ARHGAP15: variants seen among roughly 807,000 people sequenced by gnomAD.
ARHGAP15 encodes the protein rho GTPase-activating protein 15.
Under a neutral mutation model 63.7 loss-of-function variants are expected in ARHGAP15, and 51 were observed. That is an observed-to-expected ratio of 0.80 (90% confidence interval 0.64 to 1.01). The LOEUF is 1.01. ARHGAP15 is among the 50% of genes least tolerant of loss of function. The pLI is 0.00. For synonymous variants in ARHGAP15, 191 were observed against 193.8 expected (o/e 0.99, Z 0.12); for missense variants, 560 against 564.6 (o/e 0.99, Z 0.08).
intron 8 of ARHGAP15, among the ~76,000 whole-genome samples, chr2:143,438,280 C>G (rs1689703859): frequency 6.6e-6 from 1 of 151,992 alleles, no homozygotes; most frequent in Non-Finnish European, 1.5e-5. Context: ...TACACATACA[C>G]ACGTATGTAT....
intron 6 of ARHGAP15, among the ~76,000 whole-genome samples, chr2:143,420,983 G>A (rs1473695740): frequency 6.6e-6 from 1 of 152,180 alleles, no homozygotes; most frequent in Non-Finnish European, 1.5e-5. Context: ...GCAACGTGGA[G>A]TGCACTCATT....
intron 6 of ARHGAP15, among the ~76,000 whole-genome samples, chr2:143,334,586 G>A (rs1465606472): frequency 6.6e-6 from 1 of 152,132 alleles, no homozygotes; most frequent in Non-Finnish European, 1.5e-5. Flanking sequence ...AGTGTGGGAG[G>A]AAACTGCAGT....
intron 11 of ARHGAP15, among the ~76,000 whole-genome samples, chr2:143,583,140 G>A (rs753752203): frequency 3.3e-5 from 5 of 152,186 alleles, no homozygotes; most frequent in Non-Finnish European, 7.3e-5. Flanking sequence ...AAGAGATGGG[G>A]CTTAAAATGT....
chr2:143,246,529 C>A (rs1459156120), intron 5 of ARHGAP15, among the ~76,000 whole-genome samples: 1 of 151,850 alleles, frequency 6.6e-6, no homozygotes, highest in Non-Finnish European at 1.5e-5. Flanking sequence ...TAAGCAGAGT[C>A]AAAGGCCCAG....
chr2:143,624,224 G>T lies in ARHGAP15; in HGVS notation c.1095G>T (p.Pro365=), dbSNP rs552611087. ...LKMFFRELPE[P]LFPYSFFEQF... is the part of the protein sequence containing the mutation. ...TGTTTTTCCGGGAGCTGCCTGAGCC[G>T]CTCTTCCCTTACAGTTTCTTTGAGC... Residue 365 remains proline (P), a synonymous_variant, in exon 12 of 14, where the codon CCG becomes CCT. Coordinates refer to ENST00000295095, the MANE Select transcript of ARHGAP15 (RefSeq NM_018460.4). The T allele has an allele frequency of 6.2e-7, 1 of 1,613,182 alleles. No homozygotes were observed. The highest frequency in any genetic ancestry group is 1.1e-5 in the South Asian group (1 of 91,020).
intron 9 of ARHGAP15, among the ~76,000 whole-genome samples, chr2:143,508,800 C>T (rs777978528): frequency 1.1e-4 from 16 of 152,276 alleles, no homozygotes; most frequent in South Asian, 4.1e-4. Context: ...CACCAAAATG[C>T]CTACTGCACT....
chr2:143,325,014 A>G (rs1294496239), intron 6 of ARHGAP15, among the ~76,000 whole-genome samples: 2 of 152,186 alleles, frequency 1.3e-5, no homozygotes, highest in Admixed American at 1.3e-4. Context: ...CTGGAGAAGA[A>G]CACTTACTAG....
intron 6 of ARHGAP15, among the ~76,000 whole-genome samples, chr2:143,384,994 T>C (rs1687218129): frequency 6.6e-6 from 1 of 152,194 alleles, no homozygotes; most frequent in South Asian, 2.1e-4. Flanking sequence ...GCCCATACTG[T>C]CAAGCACTTG....
chr2:143,584,548 C>G (rs1014505589), intron 11 of ARHGAP15, among the ~76,000 whole-genome samples: 4 of 151,994 alleles, frequency 2.6e-5, no homozygotes, highest in Admixed American at 1.3e-4. Context: ...TGCTTGAACC[C>G]CCAGGAGGCG....
intron 11 of ARHGAP15, among the ~76,000 whole-genome samples, chr2:143,586,917 C>A (rs1356131979): frequency 1.3e-5 from 2 of 151,960 alleles, no homozygotes; most frequent in Non-Finnish European, 2.9e-5. Context: ...CTCTCTCTTT[C>A]TCTCCTCCTC....
At chr2:143,142,989 G>T (rs1689432780) in intron 1 of ARHGAP15, among the ~76,000 whole-genome samples, 1 of 152,056 alleles carries the variant, frequency 6.6e-6, no homozygotes, top group Non-Finnish European at 1.5e-5. Flanking sequence ...ACTTTAATGT[G>T]TCCAAGCAAA....
chr2:143,143,019 T>G (rs1325430031), intron 1 of ARHGAP15, among the ~76,000 whole-genome samples: 1 of 152,140 alleles, frequency 6.6e-6, no homozygotes, highest in African/African-American at 2.4e-5. Context: ...TTTCACTTTG[T>G]GAAGCACCTA....
At chr2:143,436,628 A>G (rs989032245) in intron 7 of ARHGAP15, among the ~76,000 whole-genome samples, 13 of 152,084 alleles carry the variant, frequency 8.5e-5, no homozygotes, top group Non-Finnish European at 1.6e-4. Flanking sequence ...TTTTGGCCTC[A>G]TTTTCTTAAT....
intron 11 of ARHGAP15, among the ~76,000 whole-genome samples, chr2:143,612,356 C>T (rs1366047745): frequency 6.6e-6 from 1 of 152,176 alleles, no homozygotes. Context: ...TGCAATCACA[C>T]AGCCAGTTGC....
chr2:143,600,167 A>G (rs1697709642), intron 11 of ARHGAP15, among the ~76,000 whole-genome samples: 2 of 152,170 alleles, frequency 1.3e-5, no homozygotes, highest in South Asian at 2.1e-4. Context: ...ATTGACACAT[A>G]CTATGCTGTA....
At chr2:143,369,404 C>T (rs2105353166) in intron 6 of ARHGAP15, among the ~76,000 whole-genome samples, 1 of 152,034 alleles carries the variant, frequency 6.6e-6, no homozygotes, top group Non-Finnish European at 1.5e-5. Context: ...ATATTTTCTG[C>T]TTTTTCTTAC....
At chr2:143,659,477 G>T (rs1024275739) in intron 12 of ARHGAP15, among the ~76,000 whole-genome samples, 1 of 152,280 alleles carries the variant, frequency 6.6e-6, no homozygotes, top group African/African-American at 2.4e-5. Context: ...TTCTGACCAA[G>T]AAGAGTGTGT....
chr2:143,385,250 T>C (rs1401178272), intron 6 of ARHGAP15, among the ~76,000 whole-genome samples: 3 of 152,084 alleles, frequency 2.0e-5, no homozygotes, highest in African/African-American at 2.4e-5. Flanking sequence ...ATTGAGAACG[T>C]TGTAGTTCAT....
At chr2:143,132,758 G>C (rs1273378395) in intron 1 of ARHGAP15, among the ~76,000 whole-genome samples, 2 of 152,226 alleles carry the variant, frequency 1.3e-5, no homozygotes, top group African/African-American at 2.4e-5. Context: ...CTACTACGGA[G>C]TCACGTATGG....
Sources: gnomAD v4.1 joint callset for allele counts (sites outside exome capture counted in the v4.1 genomes callset) on GRCh38, gnomAD v4.1.1 for gene constraint, MANE v1.5 for transcripts, NCBI Gene and HGNC (gene_info 2026-07-23, HGNC 2026-07-21) for gene names.